The following SATB2 variants were observed in gnomAD, a reference collection of about 807,000 sequenced individuals.
SATB2 encodes the protein SATB homeobox 2.
SATB2 carries 1 observed loss-of-function variant against 73.4 expected under a neutral mutation model. The observed-to-expected ratio is 0.01, with a 90% CI of 0.00 to 0.06. The LOEUF (loss-of-function observed/expected upper bound fraction) is 0.06. SATB2 is among the 10% of genes least tolerant of loss of function. The probability of loss-of-function intolerance (pLI) is 1.00; values close to 1 mark genes in which losing one functional copy is unlikely to be tolerated. For missense variants in SATB2, 459 were observed against 945.8 expected (o/e 0.49, Z 6.75); for synonymous variants, 397 against 367.0 (o/e 1.08, Z -0.93).
At chr2:199,459,074 C>T (rs1692396655), upstream of SATB2, among the ~76,000 whole-genome samples, 2 of 152,050 alleles carry the variant, frequency 1.3e-5, no homozygotes, top group South Asian at 4.1e-4. The surrounding 1 kb of genome is among the most constrained non-coding windows in gnomAD (Gnocchi z 4.2). Flanking sequence ...CCGGCGACAT[C>T]GCGAGCGGTG....
chr2:199,273,092 C>T (rs971058773), intron 10 of SATB2, among the ~76,000 whole-genome samples: 4 of 152,030 alleles, frequency 2.6e-5, no homozygotes, highest in Non-Finnish European at 4.4e-5. Context: ...GCTGAGTAAC[C>T]CTGGGCAAAT....
In SATB2 at chr2:199,270,363, G is replaced by GT. The variant is rs201780110; in HGVS notation, c.*1847dup. On this transcript the variant is annotated 3_prime_UTR_variant, in exon 11 of 11. Coordinates refer to ENST00000417098, the MANE Select transcript of SATB2 (RefSeq NM_001172509.2). ...TCTGAGTTAATATCTACACATAGAG[G>GT]TTTTTTTTTTAACTCCTACCTTTTA... 7.9e-3 allele frequency: 1,179 copies of GT among 149,320 alleles called. 28 individuals are homozygous for GT. The highest frequency in any genetic ancestry group is 0.078 in the East Asian group (410 of 5,236). 9.2% of individuals were successfully genotyped at this position (149,320 alleles called of 1,614,324 possible). A position where few individuals can be genotyped will look rare whatever the true frequency, so the allele number is the denominator to read the frequency against.
chr2:199,428,632 C>T (rs1691405319), intron 3 of SATB2, among the ~76,000 whole-genome samples: 2 of 152,168 alleles, frequency 1.3e-5, no homozygotes, highest in African/African-American at 4.8e-5. Flanking sequence ...GTATAACTTA[C>T]TTCAAAAGTC....
At chr2:199,377,913 G>A (rs1273042136) in intron 5 of SATB2, among the ~76,000 whole-genome samples, 4 of 152,140 alleles carry the variant, frequency 2.6e-5, no homozygotes, top group African/African-American at 7.2e-5. Flanking sequence ...AGACAACTAC[G>A]TGAGCAAACC....
At chr2:199,392,798 AATAAC>A (rs1690185869) in intron 3 of SATB2, among the ~76,000 whole-genome samples, 1 of 152,338 alleles carries the variant, frequency 6.6e-6, no homozygotes, top group African/African-American at 2.4e-5. Flanking sequence ...ATTACAATAA[AATAAC>A]ATGAGTTAAA....
chr2:199,289,602 T>G (rs1219503308), intron 10 of SATB2, among the ~76,000 whole-genome samples: 1 of 152,198 alleles, frequency 6.6e-6, no homozygotes, highest in East Asian at 1.9e-4. Flanking sequence ...TGTCAAGTTA[T>G]TATACTTTCA....
At position 199,455,253 on chromosome 2, in the gene SATB2, T is replaced by C. The variant is rs1692238997; in HGVS notation, c.169+616A>G. ...TGATAAGGCTACTTTGCTATTTTTA[T>C]CTGTTCTCCTATAATTCATAATAAA... On this transcript the variant is annotated intron_variant, in intron 2 of 10. Coordinates refer to ENST00000417098, the MANE Select transcript of SATB2 (RefSeq NM_001172509.2). This position sits in a 1 kb window ranked among gnomAD's most constrained non-coding sequence, Gnocchi z 4.1. 1.3e-5 allele frequency among the ~76,000 whole-genome samples: 2 copies of C among 152,258 alleles called. No homozygotes were observed. The highest frequency in any genetic ancestry group is 2.9e-5 in the Non-Finnish European group (2 of 68,044).
At chr2:199,470,295 G>A (rs1692679423) in intron 1 of SATB2, 1 of 152,234 alleles carries the variant, frequency 6.6e-6, no homozygotes, top group Admixed American at 6.5e-5. Flanking sequence ...GAAGATGCTG[G>A]GGACGCTCTG....
At chr2:199,469,317 T>A (rs1370636328), upstream of SATB2, among the ~76,000 whole-genome samples, 3 of 152,022 alleles carry the variant, frequency 2.0e-5, no homozygotes, top group Non-Finnish European at 4.4e-5. Context: ...CAAGAAGCCC[T>A]CAGCTCCGAG....
chr2:199,330,466 C>A (rs2105797606), intron 7 of SATB2, among the ~76,000 whole-genome samples: 1 of 152,232 alleles, frequency 6.6e-6, no homozygotes, highest in South Asian at 2.1e-4. Flanking sequence ...TTGTGTGCGT[C>A]TGTGTCTGTG....
chr2:199,447,652 T>G (rs1692003796), intron 2 of SATB2, among the ~76,000 whole-genome samples: 1 of 152,222 alleles, frequency 6.6e-6, no homozygotes, highest in Non-Finnish European at 1.5e-5. Flanking sequence ...AAACTGTGTA[T>G]GAAGACAAAG....
At chr2:199,323,101 T>G (rs1019521708) in intron 9 of SATB2, among the ~76,000 whole-genome samples, 1 of 152,104 alleles carries the variant, frequency 6.6e-6, no homozygotes, top group African/African-American at 2.4e-5. Context: ...TTGAAGCAGA[T>G]AGTAGATCCC....
At chr2:199,339,766 G>A (rs370503198) in intron 7 of SATB2, among the ~76,000 whole-genome samples, 1 of 152,176 alleles carries the variant, frequency 6.6e-6, no homozygotes. Context: ...TAAACTGTAT[G>A]TATGATTAAA....
intron 10 of SATB2, among the ~76,000 whole-genome samples, chr2:199,299,484 A>G (rs1167743514): frequency 6.6e-6 from 1 of 152,210 alleles, no homozygotes; most frequent in Non-Finnish European, 1.5e-5. Context: ...ACCCAGGGTC[A>G]GGAACAGAGG....
rs772526126 is a variant in SATB2 at position 199,464,435 on chromosome 2, A to C, written c.-141+401T>G. On this transcript the variant is annotated intron_variant, in intron 1 of 11. Transcript: ENST00000260926. The surrounding 1 kb of genome is among the most constrained non-coding windows in gnomAD (Gnocchi z 6.6). The stretch of plus-strand genomic sequence containing the variant: ...CCACCATTTCCACGCGCGCGCGCGC[A>C]CACACACACACACACACACAGAGGG... 9.0e-5 allele frequency among the ~76,000 whole-genome samples: 11 copies of C among 122,642 alleles called. No individual in the cohort carries two copies. The highest frequency in any genetic ancestry group is 3.4e-5 in the Non-Finnish European group (2 of 59,052). 80.5% of individuals were successfully genotyped at this position (122,642 alleles called of 152,430 possible).
At chr2:199,462,842 C>A, upstream of SATB2, among the ~76,000 whole-genome samples, 1 of 152,098 alleles carries the variant, frequency 6.6e-6, no homozygotes, top group Non-Finnish European at 1.5e-5. This position sits in a 1 kb window ranked among gnomAD's most constrained non-coding sequence, Gnocchi z 5.9. Flanking sequence ...GAGCCTAGCA[C>A]CCCAGAGGCC....
chr2:199,319,873 T>C (rs1245355556), intron 9 of SATB2, among the ~76,000 whole-genome samples: 4 of 151,938 alleles, frequency 2.6e-5, no homozygotes, highest in Non-Finnish European at 5.9e-5. Context: ...AATCAGTGTC[T>C]GGGAAATGGG....
intron 10 of SATB2, among the ~76,000 whole-genome samples, chr2:199,284,056 GA>G (rs1692612730): frequency 6.6e-6 from 1 of 152,120 alleles, no homozygotes; most frequent in African/African-American, 2.4e-5. Context: ...ATCACTCCAG[GA>G]AAAATATCTG....
intron 3 of SATB2, among the ~76,000 whole-genome samples, chr2:199,386,395 G>A (rs556058828): frequency 6.6e-6 from 1 of 152,234 alleles, no homozygotes; most frequent in East Asian, 1.9e-4. Context: ...AAAAAGAACC[G>A]AAATAATTCA....
Sources: gnomAD v4.1 joint callset for allele counts (sites outside exome capture counted in the v4.1 genomes callset) on GRCh38, gnomAD v4.1.1 for gene constraint, Gnocchi (gnomAD v3.1) non-coding constraint, MANE v1.5 for transcripts, NCBI Gene and HGNC (gene_info 2026-07-23, HGNC 2026-07-21) for gene names.